Variants in NRG1 observed in about 807,000 individuals in gnomAD.
NRG1 encodes the protein pro-neuregulin-1, membrane-bound isoform.
NRG1 carries 18 observed loss-of-function variants against 63.8 expected under a neutral mutation model. The observed-to-expected ratio is 0.28, with a 90% CI of 0.19 to 0.42. The LOEUF is 0.42. NRG1 is among the 10% of genes least tolerant of loss of function. NRG1 has a pLI of 1.00. For missense variants in NRG1, 762 were observed against 814.7 expected, an observed-to-expected ratio of 0.94 and a Z score of 0.79; for synonymous variants, 302 against 301.3, an observed-to-expected ratio of 1.00 and a Z score of -0.02.
chr8:31,699,116 T>C (rs1360106663), intron 1 of NRG1, among the ~76,000 whole-genome samples: 2 of 152,234 alleles, frequency 1.3e-5, no homozygotes, highest in Non-Finnish European at 2.9e-5. Flanking sequence ...GTGTTTTATT[T>C]GTATATTTGC....
intron 1 of NRG1, among the ~76,000 whole-genome samples, chr8:32,364,164 G>C (rs1807638660): frequency 7.5e-6 from 1 of 133,686 alleles, no homozygotes; most frequent in Non-Finnish European, 1.5e-5. Flanking sequence ...TGTGCATATA[G>C]ATATCTACAG....
At chr8:32,355,578 A>G (rs1041348639) in intron 1 of NRG1, among the ~76,000 whole-genome samples, 5 of 152,120 alleles carry the variant, frequency 3.3e-5, no homozygotes, top group African/African-American at 1.2e-4. Context: ...GGATATTTCT[A>G]TTTTTAAAAA....
chr8:32,063,989 A>C (rs988256416), intron 1 of NRG1, among the ~76,000 whole-genome samples: 3 of 152,068 alleles, frequency 2.0e-5, no homozygotes, highest in Non-Finnish European at 4.4e-5. Context: ...ACTTGTATTT[A>C]TTGGAGTCCA....
In NRG1 at chr8:32,677,604, C is replaced by A. The variant is rs533077438; in HGVS notation, c.503-50345C>A. On this transcript the variant is annotated intron_variant, in intron 5 of 11. Coordinates refer to ENST00000356819, the Ensembl canonical transcript of NRG1. ...ACCTGGGAGACGAGGTTGCACTGAG[C>A]TGAGATCATGCCACTGCACTCCAGC... is the stretch of plus-strand genomic sequence containing the variant. Among the ~76,000 whole-genome samples, 36 of 152,132 alleles carry A rather than the reference C, an allele frequency of 2.4e-4. No homozygotes were observed. The South Asian group carries it at 5.6e-3, about 24-fold the overall frequency.
At chr8:32,092,149 A>G (rs761437816) in intron 1 of NRG1, among the ~76,000 whole-genome samples, 18 of 152,134 alleles carry the variant, frequency 1.2e-4, no homozygotes, top group Non-Finnish European at 2.4e-4. Context: ...ATCCCAACAC[A>G]TATTTTGGGG....
chr8:32,440,938 G>A (rs1344790192), intron 1 of NRG1, among the ~76,000 whole-genome samples: 1 of 152,132 alleles, frequency 6.6e-6, no homozygotes, highest in Non-Finnish European at 1.5e-5. Flanking sequence ...AAAAAATTGA[G>A]AAACAGAATT....
intron 1 of NRG1, among the ~76,000 whole-genome samples, chr8:32,192,488 A>G (rs1474598308): frequency 6.6e-6 from 1 of 152,148 alleles, no homozygotes; most frequent in Non-Finnish European, 1.5e-5. Context: ...TCAATGTAGG[A>G]AGAGAAAACC....
intron 1 of NRG1, among the ~76,000 whole-genome samples, chr8:31,729,576 T>C (rs1813809849): frequency 6.6e-6 from 1 of 152,118 alleles, no homozygotes; most frequent in Non-Finnish European, 1.5e-5. Flanking sequence ...TTTTCTCCAG[T>C]ACTCACTCTT....
intron 2 of NRG1, among the ~76,000 whole-genome samples, chr8:32,598,502 G>A (rs902201674): frequency 1.3e-5 from 2 of 152,024 alleles, no homozygotes; most frequent in Admixed American, 6.6e-5. Flanking sequence ...TTTCATATTG[G>A]CTTCATAGGT....
At chr8:32,264,810 C>T (rs1211617182) in intron 1 of NRG1, among the ~76,000 whole-genome samples, 1 of 147,638 alleles carries the variant, frequency 6.8e-6, no homozygotes, top group African/African-American at 2.5e-5. Context: ...TGTGAGGCCA[C>T]AGGAAAAAAA....
intron 1 of NRG1, among the ~76,000 whole-genome samples, chr8:31,645,884 GT>G (rs1442161238): frequency 6.6e-6 from 1 of 152,168 alleles, no homozygotes; most frequent in Non-Finnish European, 1.5e-5. Flanking sequence ...AGACTTCTGT[GT>G]TTTTTCTTTT....
At chr8:31,731,075 A>T (rs563739430) in intron 1 of NRG1, among the ~76,000 whole-genome samples, 70 of 152,234 alleles carry the variant, frequency 4.6e-4, no homozygotes, top group African/African-American at 1.5e-3. Flanking sequence ...ACTGGAAATG[A>T]TATGGAGAAG....
At chr8:32,598,567 G>A (rs1843760993) in intron 2 of NRG1, among the ~76,000 whole-genome samples, 1 of 152,034 alleles carries the variant, frequency 6.6e-6, no homozygotes, top group African/African-American at 2.4e-5. Flanking sequence ...ATACCAGAAA[G>A]GGCAATAGTT....
rs202016849 is a variant in NRG1 at position 31,809,392 on chromosome 8, A to ATG, written c.37+169973_37+169974dup. Among the ~76,000 whole-genome samples the ATG allele has an allele frequency of 3.2e-3, 442 of 136,972 alleles. 3 individuals carry two copies. The highest frequency in any genetic ancestry group is 5.9e-3 in the Non-Finnish European group (373 of 63,384). 89.9% of individuals were successfully genotyped at this position (136,972 alleles called of 152,430 possible). A position where few individuals can be genotyped will look rare whatever the true frequency, so the allele number is the denominator to read the frequency against. ...TACACGTATATATACGTGTATATATATGTGTGTGTGTGTATATATATATAC... is the reference window on the plus strand; with the variant it reads ...TACACGTATATATACGTGTATATATATGTGTGTGTGTGTGTATATATATATAC... On this transcript the variant is annotated intron_variant, in intron 1 of 10. Transcript: ENST00000519301.
At chr8:31,952,796 CT>C (rs1803686475) in intron 1 of NRG1, among the ~76,000 whole-genome samples, 1 of 152,190 alleles carries the variant, frequency 6.6e-6, no homozygotes, top group Non-Finnish European at 1.5e-5. Flanking sequence ...CTGCTGAAAC[CT>C]TGTGGACTTA....
intron 1 of NRG1, among the ~76,000 whole-genome samples, chr8:32,216,378 A>G (rs963545470): frequency 6.7e-6 from 1 of 149,008 alleles, no homozygotes; most frequent in African/African-American, 2.4e-5. Flanking sequence ...AATTCCTAGA[A>G]GCACTATAGA....
At chr8:31,960,757 C>G (rs1159298693) in intron 1 of NRG1, among the ~76,000 whole-genome samples, 2 of 152,222 alleles carry the variant, frequency 1.3e-5, no homozygotes, top group African/African-American at 4.8e-5. Context: ...ACACCTGGGA[C>G]TCCTCTTTCT....
At chr8:31,966,969 A>T (rs1806447202) in intron 1 of NRG1, among the ~76,000 whole-genome samples, 1 of 152,046 alleles carries the variant, frequency 6.6e-6, no homozygotes, top group Non-Finnish European at 1.5e-5. Flanking sequence ...TTGGCTTTTG[A>T]CTGCTTTTTA....
intron 1 of NRG1, among the ~76,000 whole-genome samples, chr8:31,642,576 A>AC (rs897329886): frequency 1.3e-5 from 2 of 152,020 alleles, no homozygotes; most frequent in African/African-American, 4.8e-5. Context: ...AAGGGGAAAA[A>AC]ACTTCATTGA....
Sources: allele counts gnomAD v4.1 joint callset (sites outside exome capture counted in the v4.1 genomes callset), GRCh38; gene constraint gnomAD v4.1.1; transcripts MANE v1.5; gene names NCBI Gene and HGNC (gene_info 2026-07-23, HGNC 2026-07-21).